AMPD3: variants seen among roughly 807,000 people sequenced by gnomAD.
The protein encoded by AMPD3 is adenosine monophosphate deaminase 3.
In AMPD3, 57 loss-of-function variants were observed where a neutral mutation model predicts 82.3. That is an observed-to-expected ratio of 0.69 (90% CI 0.56 to 0.86). The LOEUF (loss-of-function observed/expected upper bound fraction) is 0.86, where lower values mean the gene tolerates loss of function less well. Ranked by LOEUF, AMPD3 falls within the 40% of genes least tolerant of loss-of-function variation. AMPD3 has a pLI of 0.00. For missense variants in AMPD3, 870 were observed against 1,003.8 expected, an observed-to-expected ratio of 0.87 and a Z score of 1.80; for synonymous variants, 381 against 394.7, an observed-to-expected ratio of 0.97 and a Z score of 0.41.
chr11:10,491,307 G>A (rs1053729762), intron 6 of AMPD3, among the ~76,000 whole-genome samples: 2 of 152,216 alleles, frequency 1.3e-5, no homozygotes, highest in Non-Finnish European at 1.5e-5. Flanking sequence ...CTTAGCTGGG[G>A]CTTCATTTCC....
intron 6 of AMPD3, among the ~76,000 whole-genome samples, chr11:10,492,944 TACCC>T (rs1849280482): frequency 1.3e-5 from 2 of 152,162 alleles, no homozygotes; most frequent in South Asian, 4.1e-4. Context: ...GTGTGTGGTG[TACCC>T]GTAAGTGGTT....
chr11:10,505,280 G>C, intron 14 of AMPD3: 2 of 590,314 alleles, frequency 3.4e-6, no homozygotes, highest in Non-Finnish European at 4.2e-6. Flanking sequence ...CTCGTCGGAT[G>C]ATGATGCAGC....
Position 10,463,875 on chromosome 11 carries a change from T to C in AMPD3, c.221+2135T>C, listed in dbSNP as rs75373083. ...GACGCTCCTTGAGGACTGGATCCAT[T>C]GTGGAACTTAGTTGGTGGGCAGTGG... On this transcript the variant is annotated intron_variant, in intron 2 of 14. Transcript: ENST00000396553. 2.0e-5 allele frequency among the ~76,000 whole-genome samples: 3 copies of C among 152,346 alleles called. No individual in the cohort carries two copies. The East Asian group carries it at 5.8e-4, about 29-fold the overall frequency.
In AMPD3 at chr11:10,495,674, C is replaced by T; in HGVS notation, c.1371C>T (p.Phe457=). The T allele has an allele frequency of 6.2e-7, 1 of 1,614,148 alleles. No homozygotes were observed. Among genetic ancestry groups the T allele is most frequent in the Non-Finnish European group, 8.5e-7 (1 of 1,180,018 alleles). ...PEEWPNLAYW[F]IQHKVYSPNM... ...AGTGGCCCAACCTGGCCTACTGGTT[C>T]ATCCAGCACAAGGTCTACTCTCCCA... Residue 457 remains phenylalanine (F), a synonymous_variant, in exon 9 of 15, where the codon TTC becomes TTT. Transcript: ENST00000396553.
At position 10,459,701 on chromosome 11, in the gene AMPD3, T is replaced by C. The variant is rs368931025; in HGVS notation, c.-5-1814T>C. On this transcript the variant is annotated intron_variant, in intron 1 of 14. Transcript: ENST00000396553. ...TGGCTTGTCGAAAAGGGTGCAGTAT[T>C]AATCCATTCCACAAGTGTTATGCTG... Among the ~76,000 whole-genome samples the C allele has an allele frequency of 3.3e-5, 5 of 152,198 alleles. No individual in the cohort carries two copies. The East Asian group carries it at 9.7e-4, about 29-fold the overall frequency.
In AMPD3 at chr11:10,494,979, T is replaced by C. The variant is rs758442809; in HGVS notation, c.1215T>C (p.Tyr405=). 10 of 1,614,216 alleles carry C rather than the reference T, an allele frequency of 6.2e-6. No individual in the cohort carries two copies. Among genetic ancestry groups the C allele is most frequent in the Non-Finnish European group, 7.6e-6 (9 of 1,180,022 alleles). The change falls in exon 8 of 15, where the codon TAT becomes TAC. Residue 405 remains tyrosine (Y), a synonymous_variant. Coordinates refer to ENST00000396553, the MANE Select transcript of AMPD3 (RefSeq NM_001025389.2). The part of the protein sequence containing the change: ...PVGASELRDL[Y]LKTENYLGGE... The stretch of plus-strand genomic sequence containing the variant: ...GGGCCAGTGAGCTGCGTGACCTGTA[T>C]TTGAAAACTGAAAACTATCTGGGAG...
upstream of AMPD3, chr11:10,451,095 T>C (rs1015230769): frequency 1.9e-6 from 3 of 1,548,678 alleles, no homozygotes; most frequent in Non-Finnish European, 2.6e-6. Context: ...CCGCGGACCC[T>C]GCGGCCCAGG....
upstream of AMPD3, chr11:10,451,018 C>T: frequency 6.3e-7 from 1 of 1,580,796 alleles, no homozygotes; most frequent in East Asian, 2.3e-5. Context: ...TTTCGGCCGG[C>T]GGCATGGCCC....
At chr11:10,466,732 G>GTGTA (rs1195901529) in intron 2 of AMPD3, among the ~76,000 whole-genome samples, 3 of 152,188 alleles carry the variant, frequency 2.0e-5, no homozygotes, top group Non-Finnish European at 4.4e-5. Context: ...CCTAACCCCC[G>GTGTA]TGTATCCTGA....
intron 5 of AMPD3, among the ~76,000 whole-genome samples, chr11:10,486,104 C>G (rs952382197): frequency 6.6e-6 from 1 of 152,136 alleles, no homozygotes; most frequent in Non-Finnish European, 1.5e-5. Flanking sequence ...AGGGGCGGTT[C>G]CTCAGAGGCT....
intron 6 of AMPD3, among the ~76,000 whole-genome samples, chr11:10,489,361 C>A (rs934005651): frequency 6.6e-6 from 1 of 152,236 alleles, no homozygotes; most frequent in African/African-American, 2.4e-5. Flanking sequence ...GCCAAGGTGT[C>A]CTCACTGGCT....
chr11:10,455,906 G>A (rs565529352), intron 1 of AMPD3: 6 of 985,384 alleles, frequency 6.1e-6, no homozygotes, highest in East Asian at 2.3e-4. Flanking sequence ...CCTGAAGCAC[G>A]TTCAGAACGG....
rs1174458186 is a variant in AMPD3 at position 10,456,430 on chromosome 11, G to T, written c.-6+982G>T. On this transcript the variant is annotated intron_variant, in intron 1 of 14. Transcript: ENST00000396553. The surrounding 1 kb of genome is among the most constrained non-coding windows in gnomAD (Gnocchi z 4.3). ...CTGTGTCGGGGCTTCTGCAAGGGGA[G>T]TCTGGCAAGAGTAGGAACCAGCTTC... The T allele has an allele frequency of 6.2e-7, 1 of 1,613,696 alleles. No individual in the cohort carries two copies. The highest frequency in any genetic ancestry group is 1.3e-5 in the African/African-American group (1 of 74,940).
intron 9 of AMPD3, chr11:10,496,101 G>C (rs1343380620): frequency 4.6e-6 from 2 of 430,504 alleles, no homozygotes; most frequent in African/African-American, 2.2e-5. Context: ...ATTTTTAGTA[G>C]AGATGGGGTT....
intron 2 of AMPD3, among the ~76,000 whole-genome samples, chr11:10,467,642 A>G (rs996261887): frequency 5.3e-5 from 8 of 152,226 alleles, no homozygotes; most frequent in African/African-American, 1.9e-4. Context: ...ACAAGCCAAC[A>G]TTCAAATTCA....
intron 6 of AMPD3, 113 bp downstream of exon 6, chr11:10,487,477 T>A (rs1279344561): frequency 1.3e-6 from 2 of 1,508,652 alleles, no homozygotes; most frequent in East Asian, 2.3e-5. Context: ...GGCTCCTTGC[T>A]AAGGGCGGCC....
chr11:10,471,634 A>G (rs1320209463), intron 2 of AMPD3, among the ~76,000 whole-genome samples: 1 of 152,254 alleles, frequency 6.6e-6, no homozygotes, highest in Non-Finnish European at 1.5e-5. Context: ...AAAGTGGGCA[A>G]AGGATATGAA....
intron 1 of AMPD3, among the ~76,000 whole-genome samples, chr11:10,460,048 AT>A (rs1005303285): frequency 1.9e-5 from 2 of 106,452 alleles, no homozygotes; most frequent in African/African-American, 7.8e-5. Context: ...TAAAATATAT[AT>A]TATATATAAT....
At chr11:10,499,992 C>T in intron 10 of AMPD3, 94 bp from the exon 11 acceptor site, 1 of 1,572,922 alleles carries the variant, frequency 6.4e-7, no homozygotes, top group South Asian at 1.1e-5. Flanking sequence ...GGCCCAGACC[C>T]ACAGGCCTCT....
Sources: gnomAD v4.1 joint callset for allele counts (sites outside exome capture counted in the v4.1 genomes callset) on GRCh38, gnomAD v4.1.1 for gene constraint, Gnocchi (gnomAD v3.1) non-coding constraint, MANE v1.5 for transcripts, NCBI Gene and HGNC (gene_info 2026-07-23, HGNC 2026-07-21) for gene names.